VWA8: variants seen among roughly 807,000 people sequenced by gnomAD.
The protein encoded by VWA8 is von Willebrand factor A domain-containing protein 8.
Under a neutral mutation model 241.5 loss-of-function variants are expected in VWA8, and 221 were observed. The ratio of observed to expected loss-of-function variants is 0.91; its 90% confidence interval spans 0.82 to 1.02. The LOEUF is 1.02. Ranked by LOEUF, VWA8 falls within the 50% of genes least tolerant of loss-of-function variation. The pLI is 0.00. For synonymous variants in VWA8, 852 were observed against 827.1 expected (o/e 1.03, Z -0.52); for missense variants, 2,322 against 2,328.7 (o/e 1.00, Z 0.06).
At chr13:41,859,345 A>T (rs376917655) in intron 12 of VWA8, among the ~76,000 whole-genome samples, 1 of 152,170 alleles carries the variant, frequency 6.6e-6, no homozygotes, top group African/African-American at 2.4e-5. Context: ...AAGAGAGGGG[A>T]AAGGATTTGG....
intron 14 of VWA8, among the ~76,000 whole-genome samples, chr13:41,821,781 A>C (rs1593794522): frequency 6.6e-6 from 1 of 152,212 alleles, no homozygotes; most frequent in Non-Finnish European, 1.5e-5. Flanking sequence ...GTCTGTGGGC[A>C]TAAGTGTGAG....
intron 4 of VWA8, among the ~76,000 whole-genome samples, chr13:41,898,855 G>A (rs1875278521): frequency 6.6e-6 from 1 of 152,142 alleles, no homozygotes; most frequent in African/African-American, 2.4e-5. Context: ...GGGCCTGCAG[G>A]GCCGGCCGGC....
chr13:41,719,463 C>G, intron 26 of VWA8, 128 bp downstream of exon 26: 1 of 1,521,578 alleles, frequency 6.6e-7, no homozygotes, highest in Middle Eastern at 1.7e-4. Flanking sequence ...CAAACAGCAA[C>G]ATATACATGT....
At chr13:41,631,110 C>G (rs1322523998) in intron 37 of VWA8, among the ~76,000 whole-genome samples, 1 of 152,166 alleles carries the variant, frequency 6.6e-6, no homozygotes. Flanking sequence ...GCGTCAACTT[C>G]CCAGGCTCAG....
At chr13:41,653,056 G>A (rs10467475) in intron 37 of VWA8, among the ~76,000 whole-genome samples, 11,571 of 152,168 alleles carry the variant, frequency 0.076, 890 homozygotes, top group African/African-American at 0.2. Context: ...ATAGATAGAT[G>A]TCAAATAACA....
chr13:41,714,386 A>G (rs1211699129), intron 26 of VWA8, among the ~76,000 whole-genome samples: 1 of 152,004 alleles, frequency 6.6e-6, no homozygotes, highest in Non-Finnish European at 1.5e-5. Context: ...AAGAACTTGG[A>G]GCAGAGAGAA....
chr13:41,658,128 G>A (rs1440264058), intron 37 of VWA8, among the ~76,000 whole-genome samples: 2 of 152,130 alleles, frequency 1.3e-5, no homozygotes, highest in African/African-American at 2.4e-5. Context: ...GCTAGAACAT[G>A]GTATTTTCAT....
rs1229331716 is a variant in VWA8 at position 41,868,866 on chromosome 13, C to CA, written c.1081-390dup. ...TCGCGCCACTGCACTCCAGCATGGG[C>CA]AAAACGGCAAGACTCCGTCTCAAAA... On this transcript the variant is annotated intron_variant, in intron 9 of 44. Transcript: ENST00000379310. 9.6e-5 allele frequency among the ~76,000 whole-genome samples: 9 copies of CA among 93,840 alleles called. No homozygotes were observed. In the Admixed American group the frequency reaches 1.4e-3, roughly 14 times the overall value. 61.6% of individuals were successfully genotyped at this position (93,840 alleles called of 152,430 possible).
chr13:41,952,923 G>A (rs1004869230), intron 1 of VWA8, among the ~76,000 whole-genome samples: 3 of 152,020 alleles, frequency 2.0e-5, no homozygotes, highest in East Asian at 1.9e-4. Context: ...AGTCATTACC[G>A]CCCCTAGGCC....
At chr13:41,608,541 G>C (rs575759428) in intron 39 of VWA8, among the ~76,000 whole-genome samples, 6 of 152,266 alleles carry the variant, frequency 3.9e-5, no homozygotes, top group African/African-American at 1.4e-4. Context: ...TGTTACGTAA[G>C]AGTCTGGGAA....
intron 21 of VWA8, among the ~76,000 whole-genome samples, chr13:41,750,230 C>T (rs985379116): frequency 4.0e-5 from 6 of 151,790 alleles, no homozygotes; most frequent in African/African-American, 1.5e-4. Context: ...GTCAAGAGAT[C>T]GAGACCATCC....
intron 30 of VWA8, 86 bp from the exon 31 acceptor site, chr13:41,692,024 A>G: frequency 2.4e-6 from 2 of 834,566 alleles, no homozygotes; most frequent in Non-Finnish European, 3.9e-6. Context: ...TAAATAAAAT[A>G]AAGTTCTTCA....
intron 26 of VWA8, chr13:41,719,240 C>CATTATCTCTATGTGATTTTCATGCTCGT (rs2045365870): frequency 1.7e-6 from 1 of 605,598 alleles, no homozygotes; most frequent in African/African-American, 2.0e-5. Flanking sequence ...ACTAAATGTA[C>CATTATCTCTATGTGATTTTCATGCTCGT]ATTATCTCTA....
rs575581484 is a variant in VWA8 at position 41,691,786 on chromosome 13, C to G, written c.3740+88G>C. ...AACATTCATAATTTGGTTACATTCACTTTATAGTAAACAAGTATAATCAAA... is the reference window on the plus strand; with the variant it reads ...AACATTCATAATTTGGTTACATTCAGTTTATAGTAAACAAGTATAATCAAA... On this transcript the variant is annotated intron_variant, in intron 31 of 44. Transcript: ENST00000379310. The G allele has an allele frequency of 5.5e-6, 6 of 1,088,142 alleles. No homozygotes were observed. The Admixed American group carries it at 8.5e-5, about 15-fold the overall frequency. 67.4% of individuals were successfully genotyped at this position (1,088,142 alleles called of 1,614,324 possible). A position where few individuals can be genotyped will look rare whatever the true frequency, so the allele number is the denominator to read the frequency against.
intron 37 of VWA8, among the ~76,000 whole-genome samples, chr13:41,657,059 G>A (rs1202395485): frequency 6.6e-6 from 1 of 152,102 alleles, no homozygotes; most frequent in Admixed American, 6.5e-5. Context: ...GATGGGTTCA[G>A]GGCATGTGAC....
chr13:41,738,612 A>G (rs2045543427), intron 21 of VWA8, among the ~76,000 whole-genome samples: 2 of 152,216 alleles, frequency 1.3e-5, no homozygotes, highest in Admixed American at 6.5e-5. Flanking sequence ...AAACAAATCT[A>G]CTAAAATAGT....
chr13:41,746,292 C>A (rs2045606312), intron 21 of VWA8, among the ~76,000 whole-genome samples: 1 of 152,196 alleles, frequency 6.6e-6, no homozygotes, highest in South Asian at 2.1e-4. Context: ...AGAAAATACA[C>A]ACTGCATCTC....
intron 26 of VWA8, 95 bp from the exon 27 acceptor site, chr13:41,703,506 T>C (rs1681750959): frequency 2.0e-6 from 2 of 1,019,844 alleles, no homozygotes; most frequent in Non-Finnish European, 3.0e-6. Context: ...ACAAATAAAT[T>C]TGAAGAGTGC....
intron 21 of VWA8, among the ~76,000 whole-genome samples, chr13:41,746,004 T>G (rs1388702551): frequency 6.6e-6 from 1 of 152,154 alleles, no homozygotes; most frequent in East Asian, 1.9e-4. Context: ...AAATTTATAA[T>G]AGTGATCGAC....
Sources: gnomAD v4.1 joint callset for allele counts (sites outside exome capture counted in the v4.1 genomes callset) on GRCh38, gnomAD v4.1.1 for gene constraint, MANE v1.5 for transcripts, NCBI Gene and HGNC (gene_info 2026-07-23, HGNC 2026-07-21) for gene names.